STARD3: variants seen among roughly 807,000 people sequenced by gnomAD.
STARD3 encodes stAR-related lipid transfer protein 3.
Under a neutral mutation model 62.0 loss-of-function variants are expected in STARD3, and 39 were observed. The ratio of observed to expected loss-of-function variants is 0.63; its 90% CI spans 0.49 to 0.82. The LOEUF (loss-of-function observed/expected upper bound fraction) is 0.82, where lower values mean the gene tolerates loss of function less well. STARD3 is among the 40% of genes least tolerant of loss of function. STARD3 has a pLI of 0.00. For synonymous variants in STARD3, 229 were observed against 242.4 expected, an observed-to-expected ratio of 0.94 and a Z score of 0.51; for missense variants, 543 against 584.5, an observed-to-expected ratio of 0.93 and a Z score of 0.73.
intron 1 of STARD3, among the ~76,000 whole-genome samples, chr17:39,645,651 T>C (rs1001744153): frequency 3.3e-5 from 5 of 152,088 alleles, no homozygotes; most frequent in African/African-American, 1.2e-4. Flanking sequence ...TTTGTATGTT[T>C]AGTAGAGACG....
At chr17:39,658,355 C>T in intron 5 of STARD3, 50 bp from the exon 6 acceptor site, 1 of 1,554,942 alleles carries the variant, frequency 6.4e-7, no homozygotes, top group East Asian at 2.3e-5. Context: ...GAAGGGGGCT[C>T]TGGGTTTGGG....
intron 1 of STARD3, among the ~76,000 whole-genome samples, chr17:39,639,183 T>C (rs567583136): frequency 6.6e-5 from 10 of 152,356 alleles, no homozygotes; most frequent in Middle Eastern, 3.4e-3. Flanking sequence ...TTTAATTTCA[T>C]AAGTTGCCTG....
intron 1 of STARD3, chr17:39,637,622 T>C (rs1448968905): frequency 6.6e-6 from 1 of 152,182 alleles, no homozygotes; most frequent in African/African-American, 2.4e-5. Context: ...CTCAGTGTCA[T>C]CCCGTGTCTC....
Position 39,660,805 on chromosome 17 carries a change from C to T in STARD3, c.955-5C>T, listed in dbSNP as rs1174505740. The stretch of plus-strand genomic sequence containing the variant: ...GTTCCAAAAGTCTCCGTTGACGGCC[C>T]TCAGATCCTGCAGCGAGTGGAAGAC... On this transcript the variant is annotated splice_region_variant and splice_polypyrimidine_tract_variant and intron_variant, in intron 11 of 14. Coordinates refer to ENST00000336308, the MANE Select transcript of STARD3 (RefSeq NM_006804.4). This position sits in a 1 kb window ranked among gnomAD's most constrained non-coding sequence, Gnocchi z 4.8. 6.3e-7 allele frequency: 1 copy of T among 1,576,312 alleles called. No homozygotes were observed. Among genetic ancestry groups the T allele is most frequent in the Admixed American group, 1.8e-5 (1 of 55,314 alleles).
chr17:39,650,149 G>A (rs967221662), intron 1 of STARD3, among the ~76,000 whole-genome samples: 1 of 152,208 alleles, frequency 6.6e-6, no homozygotes, highest in Admixed American at 6.5e-5. Flanking sequence ...ATCTTATTTG[G>A]AACTGGGGTC....
intron 1 of STARD3, among the ~76,000 whole-genome samples, chr17:39,650,189 C>T (rs912277616): frequency 6.6e-6 from 1 of 152,132 alleles, no homozygotes; most frequent in East Asian, 1.9e-4. Context: ...AAGGTGAGGT[C>T]ATCTTGGAGG....
chr17:39,652,853 G>C (rs952024236), intron 1 of STARD3: 4 of 153,440 alleles, frequency 2.6e-5, no homozygotes, highest in African/African-American at 9.6e-5. Flanking sequence ...CCACCCGTGA[G>C]AAGCAGATTG....
Position 39,643,141 on chromosome 17 carries a change from T to A in STARD3, c.-52+5910T>A, listed in dbSNP as rs552263762. On this transcript the variant is annotated intron_variant, in intron 1 of 14. Transcript: ENST00000336308. ...AGGTGATAGCCTGGACAGGGTGACA[T>A]AGTGGTAGGTGAGCAGTGGGCAGAT... 1.7e-4 allele frequency among the ~76,000 whole-genome samples: 26 copies of A among 151,640 alleles called. No individual in the cohort carries two copies. In the South Asian group the frequency reaches 3.5e-3, roughly 21 times the overall value.
In STARD3 at chr17:39,660,700, C is replaced by A; in HGVS notation, c.955-110C>A. ...CAGGAGGAGTGCTCATCAGGCGCTGCCCAGGGCCTGCCTGTGGCAATAGCA... is the reference window on the plus strand; with the variant it reads ...CAGGAGGAGTGCTCATCAGGCGCTGACCAGGGCCTGCCTGTGGCAATAGCA... On this transcript the variant is annotated intron_variant, in intron 11 of 14. Coordinates refer to ENST00000336308, the MANE Select transcript of STARD3 (RefSeq NM_006804.4). The surrounding 1 kb of genome is among the most constrained non-coding windows in gnomAD (Gnocchi z 4.8). 7.1e-7 allele frequency: 1 copy of A among 1,415,600 alleles called. No homozygotes were observed. The highest frequency in any genetic ancestry group is 9.7e-7 in the Non-Finnish European group (1 of 1,027,872). 87.7% of individuals were successfully genotyped at this position (1,415,600 alleles called of 1,614,324 possible). A position where few individuals can be genotyped will look rare whatever the true frequency, so the allele number is the denominator to read the frequency against.
chr17:39,646,671 A>T (rs561206923), intron 1 of STARD3, among the ~76,000 whole-genome samples: 2 of 152,148 alleles, frequency 1.3e-5, no homozygotes, highest in African/African-American at 4.8e-5. Context: ...CTTAGAGTCC[A>T]TTCCTTTTTC....
At chr17:39,638,227 A>G (rs1054878819) in intron 1 of STARD3, among the ~76,000 whole-genome samples, 6 of 152,142 alleles carry the variant, frequency 3.9e-5, no homozygotes, top group African/African-American at 1.4e-4. Flanking sequence ...TGTATTGTCA[A>G]TTCCCAACAG....
chr17:39,643,087 G>A lies in STARD3; in HGVS notation c.-52+5856G>A, dbSNP rs76848414. 2.7e-3 allele frequency among the ~76,000 whole-genome samples: 412 copies of A among 152,258 alleles called. 2 individuals are homozygous for A. Among genetic ancestry groups the A allele is most frequent in the African/African-American group, 9.5e-3 (395 of 41,530 alleles). ...CTGCTGTGTTGAGAACAGGCTGAAG[G>A]GGTGAAGACAAGAAAGAGTGGCAGG... On this transcript the variant is annotated intron_variant, in intron 1 of 14. Transcript: ENST00000336308.
intron 1 of STARD3, among the ~76,000 whole-genome samples, chr17:39,640,650 C>A (rs2056975358): frequency 6.6e-6 from 1 of 151,216 alleles, no homozygotes; most frequent in South Asian, 2.1e-4. Context: ...ACGAAGAGGG[C>A]AGGTGGGGCC....
At position 39,660,056 on chromosome 17, in the gene STARD3, C is replaced by G. The variant is rs2057178001; in HGVS notation, c.796-155C>G. 4.3e-6 allele frequency: 3 copies of G among 691,670 alleles called. No homozygotes were observed. Among genetic ancestry groups the G allele is most frequent in the Non-Finnish European group, 7.7e-6 (3 of 391,532 alleles). 42.8% of individuals were successfully genotyped at this position (691,670 alleles called of 1,614,324 possible). ...TGCCAGTGCCATAGGTTTGTTAGAG[C>G]TACTGTTTTGTAACAGCTGCTCAGG... On this transcript the variant is annotated intron_variant, in intron 9 of 14. Transcript: ENST00000336308. This position sits in a 1 kb window ranked among gnomAD's most constrained non-coding sequence, Gnocchi z 4.8.
In STARD3 at chr17:39,653,476, C is replaced by G. The variant is rs1167394651; in HGVS notation, c.-51-5C>G. The G allele has an allele frequency of 1.9e-6, 3 of 1,576,792 alleles. No homozygotes were observed. The highest frequency in any genetic ancestry group is 1.3e-5 in the African/African-American group (1 of 74,470). On this transcript the variant is annotated splice_region_variant and splice_polypyrimidine_tract_variant and intron_variant, in intron 1 of 14. Coordinates refer to ENST00000336308, the MANE Select transcript of STARD3 (RefSeq NM_006804.4). ...GACAGGACTCTGCCTCTGCCTCGCC[C>G]CCAGCCCTGCTGCTGAGGCCGCGCC... is the stretch of plus-strand genomic sequence containing the variant.
rs140293241 is a variant in STARD3 at position 39,651,990 on chromosome 17, G to A, written c.-51-1491G>A. 1,008 of 152,400 alleles carry A rather than the reference G, an allele frequency of 6.6e-3. 11 individuals are homozygous for A. Among genetic ancestry groups the A allele is most frequent in the Middle Eastern group, 0.014 (4 of 296 alleles). 9.4% of individuals were successfully genotyped at this position (152,400 alleles called of 1,614,324 possible). On this transcript the variant is annotated intron_variant, in intron 1 of 14. Transcript: ENST00000336308. ...GCTACATGGCAGGGAGGGAGTGCCA[G>A]AGTTCCTTTTGTCTTTAGGGTTCCT...
intron 1 of STARD3, among the ~76,000 whole-genome samples, chr17:39,643,284 G>C (rs568696903): frequency 6.6e-6 from 1 of 152,274 alleles, no homozygotes; most frequent in African/African-American, 2.4e-5. Context: ...CTGTCCCCCA[G>C]CTAGCAAGGA....
At chr17:39,649,003 A>AGGAGGGAG (rs1310504923) in intron 1 of STARD3, among the ~76,000 whole-genome samples, 1 of 152,162 alleles carries the variant, frequency 6.6e-6, no homozygotes, top group Non-Finnish European at 1.5e-5. Flanking sequence ...GCAAGGACCA[A>AGGAGGGAG]GGAGGGAGGG....
In STARD3 at chr17:39,663,265, G is replaced by T. The variant is rs116500012; in HGVS notation, c.*357G>T. The T allele has an allele frequency of 2.8e-5, 11 of 397,908 alleles. No individual in the cohort carries two copies. Among genetic ancestry groups the T allele is most frequent in the Non-Finnish European group, 3.5e-5 (8 of 226,222 alleles). 24.6% of individuals were successfully genotyped at this position (397,908 alleles called of 1,614,324 possible). On this transcript the variant is annotated 3_prime_UTR_variant, in exon 15 of 15. Coordinates refer to ENST00000336308, the MANE Select transcript of STARD3 (RefSeq NM_006804.4). Reference sequence around the variant, plus strand: ...GGCAGGGCAGGGCAGCCTGTCACCCGTGTGAAGATGAAGGGGCTCTTCATC... The same window carrying T: ...GGCAGGGCAGGGCAGCCTGTCACCCTTGTGAAGATGAAGGGGCTCTTCATC...
Sources: allele counts gnomAD v4.1 joint callset (sites outside exome capture counted in the v4.1 genomes callset), GRCh38; gene constraint gnomAD v4.1.1; non-coding constraint Gnocchi (gnomAD v3.1); transcripts MANE v1.5; gene names NCBI Gene and HGNC (gene_info 2026-07-23, HGNC 2026-07-21).